The following LAMB1 variants were observed in gnomAD, a reference collection of about 807,000 sequenced individuals.
LAMB1 encodes laminin subunit beta 1.
A neutral mutation model predicts 222.3 loss-of-function variants in LAMB1; 121 were observed. That is an observed-to-expected ratio of 0.54 (90% confidence interval 0.47 to 0.63). The LOEUF is 0.63. LAMB1 is among the 30% of genes least tolerant of loss of function. The pLI, the probability that LAMB1 is intolerant of heterozygous loss-of-function variation, is 0.00. For missense variants in LAMB1, 2,172 were observed against 2,240.8 expected (o/e 0.97, Z 0.62); for synonymous variants, 794 against 807.2 (o/e 0.98, Z 0.28).
At position 107,953,514 on chromosome 7, in the gene LAMB1, T is replaced by C; in HGVS notation, c.3079+16A>G. 2 of 1,565,826 alleles carry C rather than the reference T, an allele frequency of 1.3e-6. No individual in the cohort carries two copies. Among genetic ancestry groups the C allele is most frequent in the Non-Finnish European group, 1.8e-6 (2 of 1,136,116 alleles). ...AAGTCATTCTAAGAAGTGGGCAGAA[T>C]AAATGTGCATCTTACTTCGACAGTC... On this transcript the variant is annotated intron_variant, in intron 22 of 33. Coordinates refer to ENST00000222399, the MANE Select transcript of LAMB1 (RefSeq NM_002291.3).
rs746260908 is a variant in LAMB1, at chr7:107,961,612, C to T, written c.1922G>A (p.Ser641Asn). 2 of 1,614,144 alleles carry T rather than the reference C, an allele frequency of 1.2e-6. No homozygotes were observed. Among genetic ancestry groups the T allele is most frequent in the Admixed American group, 3.3e-5 (2 of 60,026 alleles). Reference protein sequence around the residue: ...VQRPGRIPTSSRCGNTIPDDD... With the variant: ...VQRPGRIPTSNRCGNTIPDDD... ...ATCGGGGATGGTATTACCACATCGGCTGCTGGTTGGAATCCTTCCAGGTCG... is the reference window on the plus strand; with the variant it reads ...ATCGGGGATGGTATTACCACATCGGTTGCTGGTTGGAATCCTTCCAGGTCG... The change falls in exon 16 of 34, where the codon AGC (serine) becomes AAC (asparagine). Residue 641 changes from serine (S) to asparagine (N), a missense_variant. Ser to Asn is a conservative substitution (Grantham distance 46). Transcript: ENST00000222399.
intron 31 of LAMB1, among the ~76,000 whole-genome samples, chr7:107,928,788 C>A (rs1156941471): frequency 6.6e-6 from 1 of 152,164 alleles, no homozygotes; most frequent in Non-Finnish European, 1.5e-5. Flanking sequence ...CCACCATGCC[C>A]GCCCAAGAAT....
intron 5 of LAMB1, among the ~76,000 whole-genome samples, chr7:107,988,487 G>A (rs1301468233): frequency 1.3e-5 from 2 of 152,190 alleles, no homozygotes; most frequent in Admixed American, 6.5e-5. Context: ...GAGAGCCTAA[G>A]TCTGTGCTCT....
At position 107,978,317 on chromosome 7, in the gene LAMB1, C is replaced by T. The variant is rs2033908307; in HGVS notation, c.880-150G>A. On this transcript the variant is annotated intron_variant, in intron 8 of 33. Coordinates refer to ENST00000222399, the MANE Select transcript of LAMB1 (RefSeq NM_002291.3). The stretch of plus-strand genomic sequence containing the variant: ...TTGTTTGGTTGTTTTTATTTTCTCC[C>T]TGCCTGCAGTGAGTTGTCTGTCTTG... The T allele has an allele frequency of 5.9e-6, 5 of 845,060 alleles. No individual in the cohort carries two copies. The South Asian group carries it at 7.1e-5, about 12-fold the overall frequency. 52.3% of individuals were successfully genotyped at this position (845,060 alleles called of 1,614,324 possible). A position where few individuals can be genotyped will look rare whatever the true frequency, so the allele number is the denominator to read the frequency against.
rs1200424024 is a variant in LAMB1, at chr7:107,924,394, A to G, written c.5065-5T>C. 3 of 1,595,498 alleles carry G rather than the reference A, an allele frequency of 1.9e-6. No homozygotes were observed. Among genetic ancestry groups the G allele is most frequent in the Non-Finnish European group, 2.6e-6 (3 of 1,169,642 alleles). Reference sequence around the variant, plus strand: ...ATCAAGTTCACCATCTAAAGTCTATAGTTCCACATTTAGACAGAAAGAAGT... The same window carrying G: ...ATCAAGTTCACCATCTAAAGTCTATGGTTCCACATTTAGACAGAAAGAAGT... On this transcript the variant is annotated splice_region_variant and splice_polypyrimidine_tract_variant and intron_variant, in intron 32 of 33. Coordinates refer to ENST00000222399, the MANE Select transcript of LAMB1 (RefSeq NM_002291.3).
At chr7:107,932,441 G>C (rs1025265894) in intron 27 of LAMB1, 64 bp from the exon 28 acceptor site, 135 of 1,537,576 alleles carry the variant, frequency 8.8e-5, no homozygotes, top group Non-Finnish European at 1.2e-4. Flanking sequence ...CAAAACAGCT[G>C]TGCAGGGCCT....
chr7:107,941,783 C>T (rs796145597), intron 24 of LAMB1, among the ~76,000 whole-genome samples: 18 of 148,648 alleles, frequency 1.2e-4, no homozygotes, highest in African/African-American at 4.3e-4. Context: ...CTCAGCCTCC[C>T]GAGTAGCTGG....
intron 4 of LAMB1, 27 bp downstream of exon 4, chr7:107,998,330 G>T: frequency 6.2e-7 from 1 of 1,612,144 alleles, no homozygotes; most frequent in Non-Finnish European, 8.5e-7. Flanking sequence ...ACACTCAACG[G>T]AACTTGTCCC....
chr7:107,964,738 A>G (rs966951861), intron 13 of LAMB1, 51 bp from the exon 14 acceptor site: 3 of 1,595,628 alleles, frequency 1.9e-6, no homozygotes, highest in Non-Finnish European at 2.6e-6. Context: ...ACGCGAGTCA[A>G]CCCGCCAGAA....
intron 9 of LAMB1, 136 bp from the exon 10 acceptor site, chr7:107,976,013 G>T (rs1330887296): frequency 1.5e-6 from 1 of 666,722 alleles, no homozygotes; most frequent in Non-Finnish European, 2.5e-6. Flanking sequence ...GGACTCCTGG[G>T]GAAAAAGGAC....
At chr7:108,002,774 G>C (rs2034415705) in intron 2 of LAMB1, 75 bp downstream of exon 2, 1 of 1,600,938 alleles carries the variant, frequency 6.2e-7, no homozygotes, top group African/African-American at 1.3e-5. Context: ...CCACGAAGGT[G>C]AGCAAGCAGC....
At position 107,951,273 on chromosome 7, in the gene LAMB1, C is replaced by A. The variant is rs1454297161; in HGVS notation, c.3344G>T (p.Ser1115Ile). 7.4e-6 allele frequency: 12 copies of A among 1,614,206 alleles called. No individual in the cohort carries two copies. The highest frequency in any genetic ancestry group is 9.3e-6 in the Non-Finnish European group (11 of 1,180,028). Residue 1115 changes from serine to isoleucine, a missense_variant, in exon 24 of 34, where the codon AGC becomes ATC. Ser to Ile is a moderately radical substitution (Grantham distance 142). Transcript: ENST00000222399. The stretch of plus-strand genomic sequence containing the variant: ...TCCCCAGAAGAGTTCCTGGCACTCG[C>A]TGCAGGTGCGGCCTCCAAACCCAGG... The part of the protein sequence containing the change: ...CMPGFGGRTC[S>I]ECQELFWGDP...
chr7:107,937,955 G>A (rs1306509406), intron 25 of LAMB1, among the ~76,000 whole-genome samples: 4 of 152,136 alleles, frequency 2.6e-5, no homozygotes, highest in Non-Finnish European at 4.4e-5. Flanking sequence ...CTACAAAGCC[G>A]TACTTTTGAC....
Position 107,929,612 on chromosome 7 carries a change from A to T in LAMB1, c.4545T>A (p.Ser1515Arg), listed in dbSNP as rs544658616. Residue 1515 changes from serine (S) to arginine (R), a missense_variant, in exon 30 of 34, where the codon AGT (serine) becomes AGA (arginine). Coordinates refer to ENST00000222399, the MANE Select transcript of LAMB1 (RefSeq NM_002291.3). ...KQIRNFLTQD[S>R]ADLDSIEAVA... ...CTGCTTCAATGCTGTCCAAATCAGCACTATCCTCTGTGAAAAGCAAAGATG... is the reference window on the plus strand; with the variant it reads ...CTGCTTCAATGCTGTCCAAATCAGCTCTATCCTCTGTGAAAAGCAAAGATG... 7 of 1,613,930 alleles carry T rather than the reference A, an allele frequency of 4.3e-6. No homozygotes were observed. The South Asian group carries it at 7.7e-5, about 18-fold the overall frequency.
Position 108,002,901 on chromosome 7 carries a change from C to G in LAMB1, c.-16G>C. On this transcript the variant is annotated 5_prime_UTR_variant, in exon 2 of 34. Coordinates refer to ENST00000222399, the MANE Select transcript of LAMB1 (RefSeq NM_002291.3). ...GAAGCCCCATGCCGGCTCCCTGCAG[C>G]CACGGGGACGCGGCAGAGGAGTGGA... is the stretch of plus-strand genomic sequence containing the variant. The G allele has an allele frequency of 6.2e-7, 1 of 1,613,792 alleles. No homozygotes were observed. Among genetic ancestry groups the G allele is most frequent in the Non-Finnish European group, 8.5e-7 (1 of 1,179,992 alleles).
In LAMB1 at chr7:107,964,704, G is replaced by A. The variant is rs774478618; in HGVS notation, c.1563-17C>T. The stretch of plus-strand genomic sequence containing the variant: ...GCAAAGCAACTGGAAGGGAGGAGGA[G>A]CCACATCAGCTGAGTTCATGGTCAC... On this transcript the variant is annotated splice_polypyrimidine_tract_variant and intron_variant, in intron 13 of 33. Coordinates refer to ENST00000222399, the MANE Select transcript of LAMB1 (RefSeq NM_002291.3). 3.6e-5 allele frequency: 58 copies of A among 1,613,656 alleles called. No individual in the cohort carries two copies. Among genetic ancestry groups the A allele is most frequent in the Non-Finnish European group, 4.8e-5 (57 of 1,179,880 alleles).
At chr7:107,971,684 C>T (rs2033751730) in intron 13 of LAMB1, among the ~76,000 whole-genome samples, 1 of 152,218 alleles carries the variant, frequency 6.6e-6, no homozygotes, top group South Asian at 2.1e-4. Flanking sequence ...GCTTCCCAAA[C>T]TCTCTTGGTG....
At chr7:107,977,183 C>A (rs2033884233) in intron 9 of LAMB1, among the ~76,000 whole-genome samples, 1 of 126,194 alleles carries the variant, frequency 7.9e-6, no homozygotes, top group Admixed American at 8.0e-5. Flanking sequence ...CAAAGCAAGC[C>A]TTGACCACTC....
intron 24 of LAMB1, among the ~76,000 whole-genome samples, chr7:107,949,568 A>T (rs1017923694): frequency 6.6e-6 from 1 of 152,338 alleles, no homozygotes; most frequent in East Asian, 1.9e-4. Flanking sequence ...CTGGATTTCA[A>T]TACCTTCTAA....
Sources: gnomAD v4.1 joint callset for allele counts (sites outside exome capture counted in the v4.1 genomes callset) on GRCh38, gnomAD v4.1.1 for gene constraint, MANE v1.5 for transcripts, NCBI Gene and HGNC (gene_info 2026-07-23, HGNC 2026-07-21) for gene names.